The following RIMKLB variants were observed in gnomAD, a reference collection of about 807,000 sequenced individuals.
RIMKLB encodes beta-citrylglutamate synthase B.
A neutral mutation model predicts 32.0 loss-of-function variants in RIMKLB; 7 were observed. The ratio of observed to expected loss-of-function variants is 0.22; its 90% CI spans 0.12 to 0.41. The LOEUF (loss-of-function observed/expected upper bound fraction) is 0.41. RIMKLB is among the 10% of genes least tolerant of loss of function. The probability of loss-of-function intolerance (pLI) is 1.00; values close to 1 mark genes in which losing one functional copy is unlikely to be tolerated. For missense variants in RIMKLB, 289 were observed against 498.7 expected (o/e 0.58, Z 4.00); for synonymous variants, 172 against 185.1 (o/e 0.93, Z 0.57).
chr12:8,772,932 C>T (rs1054732170), intron 5 of RIMKLB, among the ~76,000 whole-genome samples: 1 of 152,222 alleles, frequency 6.6e-6, no homozygotes, highest in African/African-American at 2.4e-5. Context: ...GTGTTCACGT[C>T]ACCACCTTCC....
chr12:8,750,059 C>T lies in RIMKLB; in HGVS notation c.373C>T (p.His125Tyr), dbSNP rs377544500. ...KFWTFQELAG[H>Y]GVPLPDTFSY... ...CTGGACATTTCAAGAGTTGGCTGGC[C>T]ATGGTGTTCCTCTGCCGGATACTTT... is the stretch of plus-strand genomic sequence containing the variant. The change falls in exon 3 of 6, where the codon CAT (histidine) becomes TAT (tyrosine). Residue 125 changes from histidine to tyrosine, a missense_variant. Transcript: ENST00000535829. 1.6e-4 allele frequency: 257 copies of T among 1,609,930 alleles called. 1 individual carries two copies. The highest frequency in any genetic ancestry group is 2.1e-4 in the Non-Finnish European group (248 of 1,176,506).
intron 2 of RIMKLB, among the ~76,000 whole-genome samples, chr12:8,719,420 C>T (rs937581839): frequency 6.6e-6 from 1 of 152,070 alleles, no homozygotes; most frequent in Non-Finnish European, 1.5e-5. Flanking sequence ...CCAGGCTAGA[C>T]TGCAATGGTG....
chr12:8,720,576 C>G (rs1477711327), intron 2 of RIMKLB, among the ~76,000 whole-genome samples: 1 of 152,162 alleles, frequency 6.6e-6, no homozygotes, highest in African/African-American at 2.4e-5. Flanking sequence ...GAGTTTGGCT[C>G]TTGTCGCCCA....
intron 1 of RIMKLB, among the ~76,000 whole-genome samples, chr12:8,698,821 G>C (rs1246353772): frequency 6.6e-6 from 1 of 152,086 alleles, no homozygotes; most frequent in Non-Finnish European, 1.5e-5. Context: ...AAATTTTAGA[G>C]AGTGTGACAG....
chr12:8,712,093 T>G (rs1274810636), intron 1 of RIMKLB, among the ~76,000 whole-genome samples: 4 of 152,216 alleles, frequency 2.6e-5, no homozygotes, highest in Admixed American at 1.3e-4. Flanking sequence ...GTTTACTGCC[T>G]GTAATATGCA....
At chr12:8,715,028 T>C (rs1411394737) in intron 2 of RIMKLB, among the ~76,000 whole-genome samples, 1 of 152,184 alleles carries the variant, frequency 6.6e-6, no homozygotes, top group Non-Finnish European at 1.5e-5. Context: ...ATTCACAGGC[T>C]AACAGATCCA....
chr12:8,673,382 C>T, the RIMKLB span, among the ~76,000 whole-genome samples: 1 of 152,136 alleles, frequency 6.6e-6, no homozygotes, highest in Non-Finnish European at 1.5e-5. Flanking sequence ...CAAACTACAC[C>T]AAAAACTTAG....
At chr12:8,734,049 G>A (rs1371529496) in intron 2 of RIMKLB, among the ~76,000 whole-genome samples, 2 of 152,140 alleles carry the variant, frequency 1.3e-5, no homozygotes, top group African/African-American at 2.4e-5. Context: ...ATAAAATAGT[G>A]GTTATAATAG....
intron 4 of RIMKLB, 51 bp from the exon 5 acceptor site, chr12:8,753,839 T>A (rs2137812916): frequency 2.8e-6 from 4 of 1,409,400 alleles, no homozygotes; most frequent in East Asian, 4.6e-5. Flanking sequence ...ATAGGTATCA[T>A]CTGCCCACAA....
downstream of RIMKLB, among the ~76,000 whole-genome samples, chr12:8,778,458 G>A (rs1302092599): frequency 1.3e-5 from 2 of 152,160 alleles, no homozygotes; most frequent in African/African-American, 4.8e-5. Flanking sequence ...TGAGCAGTTT[G>A]AGATTATCAG....
At chr12:8,729,877 A>G (rs1946383260) in intron 2 of RIMKLB, among the ~76,000 whole-genome samples, 1 of 152,222 alleles carries the variant, frequency 6.6e-6, no homozygotes, top group Non-Finnish European at 1.5e-5. Flanking sequence ...GTTTTATAAT[A>G]GCCATCCTAA....
intron 2 of RIMKLB, among the ~76,000 whole-genome samples, chr12:8,714,699 A>T (rs1057230549): frequency 6.6e-6 from 1 of 152,182 alleles, no homozygotes; most frequent in Non-Finnish European, 1.5e-5. Context: ...GAAATTCTTT[A>T]GTATTAATTT....
At position 8,735,089 on chromosome 12, in the gene RIMKLB, A is replaced by G. The variant is rs150745118; in HGVS notation, c.176-14773A>G. Among the ~76,000 whole-genome samples, 25 of 152,312 alleles carry G rather than the reference A, an allele frequency of 1.6e-4. 1 individual carries two copies. Among genetic ancestry groups the G allele is most frequent in the African/African-American group, 4.3e-4 (18 of 41,574 alleles). ...ATAGGCAATAAGAAAAACTGTCCTT[A>G]TATGGGTACAGAAAGTTTGTAGGTC... On this transcript the variant is annotated intron_variant, in intron 2 of 5. Transcript: ENST00000535829.
chr12:8,766,488 G>A (rs753292219), intron 5 of RIMKLB, among the ~76,000 whole-genome samples: 170 of 152,208 alleles, frequency 1.1e-3, no homozygotes, highest in African/African-American at 3.7e-3. Context: ...TTTCAGAGAG[G>A]GTGTAGGTAA....
intron 1 of RIMKLB, among the ~76,000 whole-genome samples, chr12:8,704,106 G>A (rs1336120772): frequency 1.3e-5 from 2 of 152,090 alleles, no homozygotes; most frequent in Admixed American, 6.6e-5. Context: ...TTTATGGGTC[G>A]GACGTGGTGG....
intron 2 of RIMKLB, among the ~76,000 whole-genome samples, chr12:8,739,175 C>T (rs766501096): frequency 2.6e-5 from 4 of 152,036 alleles, no homozygotes; most frequent in Admixed American, 2.6e-4. Flanking sequence ...TTCTGAAGAA[C>T]AGTGTTCTGG....
At chr12:8,777,476 ATTCT>A, downstream of RIMKLB, 1 of 1,109,312 alleles carries the variant, frequency 9.0e-7, no homozygotes, top group Non-Finnish European at 1.1e-6. Context: ...TCTAGTGAAA[ATTCT>A]TTCTATATTA....
At chr12:8,733,816 G>A (rs1946759428) in intron 2 of RIMKLB, among the ~76,000 whole-genome samples, 1 of 152,204 alleles carries the variant, frequency 6.6e-6, no homozygotes, top group African/African-American at 2.4e-5. Flanking sequence ...CACAGGAATT[G>A]GAGGCTGAAG....
At chr12:8,763,350 CCTT>C (rs1308575058) in intron 5 of RIMKLB, among the ~76,000 whole-genome samples, 3 of 152,134 alleles carry the variant, frequency 2.0e-5, no homozygotes, top group Non-Finnish European at 4.4e-5. Flanking sequence ...TGGGTTAGGG[CCTT>C]CTTTAGGGCC....
Sources: allele counts gnomAD v4.1 joint callset (sites outside exome capture counted in the v4.1 genomes callset), GRCh38; gene constraint gnomAD v4.1.1; transcripts MANE v1.5; gene names NCBI Gene and HGNC (gene_info 2026-07-23, HGNC 2026-07-21).